Variants in DIRAS2 observed in about 807,000 individuals in gnomAD.
DIRAS2 encodes DIRAS family GTPase 2.
Under a neutral mutation model 13.9 loss-of-function variants are expected in DIRAS2, and 5 were observed. That is an observed-to-expected ratio of 0.36 (90% CI 0.19 to 0.76). The LOEUF (loss-of-function observed/expected upper bound fraction) is 0.76, where lower values mean the gene tolerates loss of function less well. Among genes scored for constraint, DIRAS2 ranks in the 30% least tolerant of loss-of-function variants. DIRAS2 has a pLI of 0.53. For synonymous variants in DIRAS2, 111 were observed against 105.4 expected (o/e 1.05, Z -0.33); for missense variants, 191 against 263.0 (o/e 0.73, Z 1.89).
intron 1 of DIRAS2, among the ~76,000 whole-genome samples, chr9:90,626,585 G>A (rs1026806889): frequency 3.9e-4 from 59 of 152,112 alleles, no homozygotes; most frequent in Non-Finnish European, 7.3e-5. Context: ...ATGAAGTACC[G>A]CTTCACACCC....
intron 1 of DIRAS2, among the ~76,000 whole-genome samples, chr9:90,621,494 A>G (rs1335571371): frequency 6.6e-6 from 1 of 152,186 alleles, no homozygotes; most frequent in Non-Finnish European, 1.5e-5. Context: ...TCACAAAGAG[A>G]GCACAAGAAA....
At chr9:90,620,261 T>C (rs572052737) in intron 1 of DIRAS2, among the ~76,000 whole-genome samples, 4 of 152,184 alleles carry the variant, frequency 2.6e-5, no homozygotes, top group Non-Finnish European at 4.4e-5. Context: ...CATTATCTAC[T>C]GAAAATGATT....
intron 1 of DIRAS2, among the ~76,000 whole-genome samples, chr9:90,640,403 T>C (rs1825408490): frequency 6.6e-6 from 1 of 152,246 alleles, no homozygotes; most frequent in Non-Finnish European, 1.5e-5. Flanking sequence ...AGCCATGTCA[T>C]ATAATGAAAA....
chr9:90,630,322 T>C (rs1245615921), intron 1 of DIRAS2, among the ~76,000 whole-genome samples: 1 of 152,202 alleles, frequency 6.6e-6, no homozygotes, highest in Non-Finnish European at 1.5e-5. Flanking sequence ...ATAAAGTGTT[T>C]TGAAAAACTC....
At chr9:90,623,568 C>T (rs1361813997) in intron 1 of DIRAS2, among the ~76,000 whole-genome samples, 2 of 152,116 alleles carry the variant, frequency 1.3e-5, no homozygotes, top group Admixed American at 6.5e-5. Flanking sequence ...CAGTATTAGG[C>T]CTATTGGGCC....
At chr9:90,616,195 C>T (rs2118541901) in intron 1 of DIRAS2, among the ~76,000 whole-genome samples, 1 of 152,282 alleles carries the variant, frequency 6.6e-6, no homozygotes, top group Admixed American at 6.5e-5. Context: ...TGGCAACGAA[C>T]ACATAGGAAG....
chr9:90,635,169 A>G (rs983118823), intron 1 of DIRAS2, among the ~76,000 whole-genome samples: 10 of 152,232 alleles, frequency 6.6e-5, no homozygotes, highest in Non-Finnish European at 1.3e-4. Flanking sequence ...ACAAGAGCCT[A>G]GGGGACCAGA....
In DIRAS2 at chr9:90,613,695, G is replaced by T; in HGVS notation, c.133C>A (p.Arg45=). ...SYIPTVEDTY[R]QVISCDKSIC... The stretch of plus-strand genomic sequence containing the variant: ...CTCTTGTCACAGCTGATCACTTGCC[G>T]GTAGGTGTCTTCCACCGTCGGGATG... Residue 45 remains arginine (R), a synonymous_variant, in exon 2 of 2, where the codon CGG becomes AGG. Coordinates refer to ENST00000375765, the MANE Select transcript of DIRAS2 (RefSeq NM_017594.5). The surrounding 1 kb of genome is among the most constrained non-coding windows in gnomAD (Gnocchi z 5.6). 6.2e-7 allele frequency: 1 copy of T among 1,614,068 alleles called. No homozygotes were observed. The highest frequency in any genetic ancestry group is 1.1e-5 in the South Asian group (1 of 91,080).
chr9:90,612,989 C>T lies in DIRAS2; in HGVS notation c.*239G>A. 1 of 545,196 alleles carries T rather than the reference C, an allele frequency of 1.8e-6. No homozygotes were observed. The highest frequency in any genetic ancestry group is 3.2e-6 in the Non-Finnish European group (1 of 312,224). 33.8% of individuals were successfully genotyped at this position (545,196 alleles called of 1,614,324 possible). ...CAGCAATTGCTGGCACCTCTCAGTT[C>T]CCAGGGATGCTGAGTGTGTTGGTTT... is the stretch of plus-strand genomic sequence containing the variant. On this transcript the variant is annotated 3_prime_UTR_variant, in exon 2 of 2. Transcript: ENST00000375765.
chr9:90,633,146 G>A (rs534408778), intron 1 of DIRAS2, among the ~76,000 whole-genome samples: 3 of 152,314 alleles, frequency 2.0e-5, no homozygotes, highest in South Asian at 2.1e-4. Flanking sequence ...GGCTTGTAGA[G>A]GGCAGAGGGC....
intron 1 of DIRAS2, among the ~76,000 whole-genome samples, chr9:90,619,316 G>A (rs1327261822): frequency 5.3e-5 from 8 of 152,034 alleles, no homozygotes; most frequent in Non-Finnish European, 8.8e-5. Context: ...GGTGGCAGGT[G>A]CCTGTAATCC....
At chr9:90,639,101 A>T (rs138977387) in intron 1 of DIRAS2, among the ~76,000 whole-genome samples, 16 of 152,210 alleles carry the variant, frequency 1.1e-4, no homozygotes, top group Non-Finnish European at 2.4e-4. Flanking sequence ...ATATTGCCCC[A>T]GATCCTCTCA....
At chr9:90,615,335 A>G (rs993803595) in intron 1 of DIRAS2, among the ~76,000 whole-genome samples, 5 of 152,234 alleles carry the variant, frequency 3.3e-5, no homozygotes, top group Non-Finnish European at 2.9e-5. Flanking sequence ...TCTTGCATGC[A>G]CTTTGGAATC....
intron 1 of DIRAS2, among the ~76,000 whole-genome samples, chr9:90,628,915 C>G (rs1022309799): frequency 6.6e-6 from 1 of 151,602 alleles, no homozygotes; most frequent in African/African-American, 2.4e-5. Context: ...AGTGCAGTGG[C>G]GCAATCTCGG....
chr9:90,613,813 A>T lies in DIRAS2; in HGVS notation c.15T>A (p.Ser5Arg). 6.2e-7 allele frequency: 1 copy of T among 1,612,928 alleles called. No homozygotes were observed. Among genetic ancestry groups the T allele is most frequent in the Non-Finnish European group, 8.5e-7 (1 of 1,179,400 alleles). The change falls in exon 2 of 2, where the codon AGT (serine) becomes AGA (arginine). Residue 5 changes from serine to arginine, a missense_variant. Coordinates refer to ENST00000375765, the MANE Select transcript of DIRAS2 (RefSeq NM_017594.5). This position sits in a 1 kb window ranked among gnomAD's most constrained non-coding sequence, Gnocchi z 5.6. MPEQSNDYRVAVFGA... is the reference protein window; with the variant it reads MPEQRNDYRVAVFGA... ...CAAACACGGCCACCCGGTAATCGTTACTCTGCTCAGGCATGTTGCTGGAGA... is the reference window on the plus strand; with the variant it reads ...CAAACACGGCCACCCGGTAATCGTTTCTCTGCTCAGGCATGTTGCTGGAGA...
chr9:90,618,661 T>C (rs1825191230), intron 1 of DIRAS2, among the ~76,000 whole-genome samples: 1 of 152,202 alleles, frequency 6.6e-6, no homozygotes, highest in South Asian at 2.1e-4. Flanking sequence ...GGACTAGTTC[T>C]GGTATATACA....
chr9:90,624,431 G>C (rs1825249085), intron 1 of DIRAS2, among the ~76,000 whole-genome samples: 1 of 152,124 alleles, frequency 6.6e-6, no homozygotes, highest in Admixed American at 6.5e-5. Flanking sequence ...ATCTTCCCTG[G>C]CAGTGGGGCA....
intron 1 of DIRAS2, among the ~76,000 whole-genome samples, chr9:90,625,475 C>G (rs777961929): frequency 6.6e-6 from 1 of 152,158 alleles, no homozygotes; most frequent in Non-Finnish European, 1.5e-5. Flanking sequence ...GGTCATTGAT[C>G]TATTTGAGTT....
chr9:90,631,140 T>C (rs1297584664), intron 1 of DIRAS2, among the ~76,000 whole-genome samples: 3 of 152,030 alleles, frequency 2.0e-5, no homozygotes, highest in Admixed American at 2.0e-4. Context: ...CCCTGAAAAG[T>C]TGATATGTTA....
Sources: gnomAD v4.1 joint callset for allele counts (sites outside exome capture counted in the v4.1 genomes callset) on GRCh38, gnomAD v4.1.1 for gene constraint, Gnocchi (gnomAD v3.1) non-coding constraint, MANE v1.5 for transcripts, NCBI Gene and HGNC (gene_info 2026-07-23, HGNC 2026-07-21) for gene names.